PDLIM7: variants seen among roughly 807,000 people sequenced by gnomAD.
PDLIM7 encodes PDZ and LIM domain protein 7.
PDLIM7 carries 37 observed loss-of-function variants against 53.9 expected under a neutral mutation model. The ratio of observed to expected loss-of-function variants is 0.69; its 90% CI spans 0.53 to 0.90. PDLIM7 has a LOEUF of 0.90. Ranked by LOEUF, PDLIM7 falls within the 40% of genes least tolerant of loss-of-function variation. The pLI, the probability that PDLIM7 is intolerant of heterozygous loss-of-function variation, is 0.00. For synonymous variants in PDLIM7, 300 were observed against 261.3 expected, an observed-to-expected ratio of 1.15 and a Z score of -1.43; for missense variants, 617 against 638.5, an observed-to-expected ratio of 0.97 and a Z score of 0.36.
In PDLIM7 at chr5:177,488,248, C is replaced by G; in HGVS notation, c.870G>C (p.Arg290=). Residue 290 remains arginine (R), a splice_region_variant and synonymous_variant, in exon 10 of 13, where the codon CGG becomes CGC. Transcript: ENST00000355841. ...PVCHQCHKVI[R]GRYLVALGHA... ...GGCCCAGCGCCACCAGGTAGCGGCC[C>G]CTGCAGGGAGGCGAGAGCGGTCAGA... The G allele has an allele frequency of 6.3e-7, 1 of 1,597,942 alleles. No individual in the cohort carries two copies. Among genetic ancestry groups the G allele is most frequent in the South Asian group, 1.1e-5 (1 of 89,898 alleles).
intron 2 of PDLIM7, chr5:177,493,113 C>G (rs1758889941): frequency 5.5e-6 from 1 of 182,958 alleles, no homozygotes; most frequent in Non-Finnish European, 1.2e-5. Context: ...ACCAGATATG[C>G]CCTCTGGCCC....
Position 177,489,454 on chromosome 5 carries a change from G to A in PDLIM7, c.808C>T (p.Pro270Ser). ...SIVQAAAGGV[P>S]GGGSNNGKTP... ...TTGCCGTTGTTGCTGCCCCCTCCTGGCACCCCTCCGGCAGCTGCCTGCACA... is the reference window on the plus strand; with the variant it reads ...TTGCCGTTGTTGCTGCCCCCTCCTGACACCCCTCCGGCAGCTGCCTGCACA... The change falls in exon 9 of 13, where the codon CCA becomes TCA. Residue 270 changes from proline to serine, a missense_variant. Physicochemically the swap from Pro to Ser is moderately conservative, Grantham distance 74 (BLOSUM62 -1). Coordinates refer to ENST00000355841, the MANE Select transcript of PDLIM7 (RefSeq NM_005451.5). 1 of 1,604,240 alleles carries A rather than the reference G, an allele frequency of 6.2e-7. No individual in the cohort carries two copies. The highest frequency in any genetic ancestry group is 8.5e-7 in the Non-Finnish European group (1 of 1,176,232).
In PDLIM7 at chr5:177,483,530, C is replaced by A; in HGVS notation, c.*114G>T. The A allele has an allele frequency of 1.4e-6, 1 of 732,336 alleles. No homozygotes were observed. Among genetic ancestry groups the A allele is most frequent in the Non-Finnish European group, 2.3e-6 (1 of 441,316 alleles). 45.4% of individuals were successfully genotyped at this position (732,336 alleles called of 1,614,324 possible). On this transcript the variant is annotated 3_prime_UTR_variant, in exon 13 of 13. Transcript: ENST00000355841. Reference sequence around the variant, plus strand: ...GGCAGGGCCCAGGGAGCCCCAGGCTCGGGCCAGGAGCCAGGGTTAAGGCAA... The same window carrying A: ...GGCAGGGCCCAGGGAGCCCCAGGCTAGGGCCAGGAGCCAGGGTTAAGGCAA...
chr5:177,493,561 G>A (rs183039730), intron 2 of PDLIM7, among the ~76,000 whole-genome samples: 10 of 152,356 alleles, frequency 6.6e-5, no homozygotes, highest in Admixed American at 6.5e-4. Flanking sequence ...GGCTTTGAAT[G>A]CCAGGGGAAG....
chr5:177,483,659 G>A lies in PDLIM7; in HGVS notation c.1359C>T (p.Ala453=), dbSNP rs2127409094. 1 of 1,610,780 alleles carries A rather than the reference G, an allele frequency of 6.2e-7. No individual in the cohort carries two copies. Among genetic ancestry groups the A allele is most frequent in the African/African-American group, 1.3e-5 (1 of 74,994 alleles). ...KKDRPLCKSH[A]FSHV ...CAGAAGGGGCTCACACATGAGAGAA[G>A]GCATGGCTCTTGCAGAGAGGCCTGT... The change falls in exon 13 of 13, where the codon GCC becomes GCT. Residue 453 remains alanine, a synonymous_variant. Coordinates refer to ENST00000355841, the MANE Select transcript of PDLIM7 (RefSeq NM_005451.5).
chr5:177,491,268 C>G (rs1178769135), intron 5 of PDLIM7, 122 bp from the exon 6 acceptor site: 46 of 1,434,326 alleles, frequency 3.2e-5, no homozygotes, highest in Non-Finnish European at 4.1e-5. Flanking sequence ...AAGGGTGAGG[C>G]CAGGAGCCCT....
intron 10 of PDLIM7, among the ~76,000 whole-genome samples, chr5:177,486,264 T>C (rs545078970): frequency 6.5e-4 from 99 of 152,246 alleles, no homozygotes; most frequent in African/African-American, 2.3e-3. Flanking sequence ...GATTTTAAAA[T>C]GAAACAGTGT....
Position 177,489,790 on chromosome 5 carries a change from T to C in PDLIM7, c.615A>G (p.Thr205=), listed in dbSNP as rs1327193810. 6.3e-7 allele frequency: 1 copy of C among 1,577,528 alleles called. No homozygotes were observed. Among genetic ancestry groups the C allele is most frequent in the Middle Eastern group, 1.7e-4 (1 of 5,990 alleles). The change falls in exon 8 of 13, where the codon ACA becomes ACG. Residue 205 remains threonine (T), a synonymous_variant. Coordinates refer to ENST00000355841, the MANE Select transcript of PDLIM7 (RefSeq NM_005451.5). ...RTEAPAPASS[T]PQEPWPGPTA... ...TCTCACCAGGCCAGGGCTCCTGGGG[T>C]GTAGATGAGGCTGGGGCTGGGGCTT...
intron 1 of PDLIM7, among the ~76,000 whole-genome samples, chr5:177,497,276 G>T (rs1361690367): frequency 6.6e-6 from 1 of 152,012 alleles, no homozygotes; most frequent in African/African-American, 2.4e-5. Flanking sequence ...ACGTGACTCA[G>T]TTTCCCCTTA....
At chr5:177,485,625 C>T (rs929324236) in intron 10 of PDLIM7, among the ~76,000 whole-genome samples, 3 of 152,226 alleles carry the variant, frequency 2.0e-5, no homozygotes, top group African/African-American at 7.2e-5. Flanking sequence ...AGGACCTCTT[C>T]TTCTGGGAGC....
In PDLIM7 at chr5:177,491,468, GAC is replaced by G. The variant is rs1758779449; in HGVS notation, c.399-324_399-323del. 9 of 1,433,590 alleles carry G rather than the reference GAC, an allele frequency of 6.3e-6. No individual in the cohort carries two copies. The Admixed American group carries it at 1.2e-4, about 19-fold the overall frequency. The allele number at this position is 1,433,590 out of a possible 1,614,324, so 88.8% of individuals were successfully genotyped here. A position where few individuals can be genotyped will look rare whatever the true frequency, so the allele number is the denominator to read the frequency against. On this transcript the variant is annotated intron_variant, in intron 5 of 12. Coordinates refer to ENST00000355841, the MANE Select transcript of PDLIM7 (RefSeq NM_005451.5). The stretch of plus-strand genomic sequence containing the variant: ...AGACAGATAAAGGGACAAAGGGACA[GAC>G]ACAGGAGAGGAAGAAAGACGGGGAG...
chr5:177,484,187 TCTC>T lies in PDLIM7; in HGVS notation c.1051_1053del (p.Glu351del). Reference sequence around the variant, plus strand: ...CAGGTCATCTTCAGGGCGTGCATGATCTCCTGGAAGGAGGTCCCAGTCACTCGG... The same window carrying T: ...CAGGTCATCTTCAGGGCGTGCATGATCTGGAAGGAGGTCCCAGTCACTCGG... On this transcript the variant is annotated inframe_deletion and splice_region_variant, in exon 11 of 13. Coordinates refer to ENST00000355841, the MANE Select transcript of PDLIM7 (RefSeq NM_005451.5). 1 of 1,613,196 alleles carries T rather than the reference TCTC, an allele frequency of 6.2e-7. No homozygotes were observed. The highest frequency in any genetic ancestry group is 8.5e-7 in the Non-Finnish European group (1 of 1,179,932).
chr5:177,497,125 T>TGAAGAAGGG (rs1759130645), intron 1 of PDLIM7, among the ~76,000 whole-genome samples: 1 of 150,114 alleles, frequency 6.7e-6, no homozygotes, highest in Non-Finnish European at 1.5e-5. Context: ...CCCTGGGTGC[T>TGAAGAAGGG]GAAGAAGGGG....
intron 9 of PDLIM7, among the ~76,000 whole-genome samples, chr5:177,488,862 C>T (rs960276613): frequency 1.3e-5 from 2 of 149,962 alleles, no homozygotes; most frequent in East Asian, 2.0e-4. Flanking sequence ...TGCACGCCAA[C>T]GTGGGCAACA....
At position 177,490,915 on chromosome 5, in the gene PDLIM7, G is replaced by A. The variant is rs373611504; in HGVS notation, c.536-9C>T. On this transcript the variant is annotated splice_polypyrimidine_tract_variant and intron_variant, in intron 6 of 12. Coordinates refer to ENST00000355841, the MANE Select transcript of PDLIM7 (RefSeq NM_005451.5). Reference sequence around the variant, plus strand: ...CTCATCCGGGTCTTGCACTGAGAGGGCAGAGGCAGGCATTGACCAAAAAAG... The same window carrying A: ...CTCATCCGGGTCTTGCACTGAGAGGACAGAGGCAGGCATTGACCAAAAAAG... The A allele has an allele frequency of 1.2e-6, 2 of 1,614,116 alleles. No individual in the cohort carries two copies. Among genetic ancestry groups the A allele is most frequent in the South Asian group, 1.1e-5 (1 of 91,080 alleles).
At chr5:177,490,656 A>T in intron 7 of PDLIM7, 1 of 781,108 alleles carries the variant, frequency 1.3e-6, no homozygotes, top group Non-Finnish European at 2.0e-6. Flanking sequence ...GGAGGCAGGG[A>T]GGGAGGAGGG....
chr5:177,484,957 C>T (rs1016667981), intron 10 of PDLIM7: 4 of 152,798 alleles, frequency 2.6e-5, no homozygotes, highest in Non-Finnish European at 5.8e-5. Context: ...TCTCTAGGCT[C>T]ACCCCTCACC....
In PDLIM7 at chr5:177,484,371, C is replaced by T. The variant is rs564413499; in HGVS notation, c.1051-181G>A. On this transcript the variant is annotated intron_variant, in intron 10 of 12. Transcript: ENST00000355841. The stretch of plus-strand genomic sequence containing the variant: ...AAGGTCTCTGAGTGGACGACCACTG[C>T]GCCTTCAGACTTGCCATGTCCAGCA... 1.3e-4 allele frequency: 83 copies of T among 663,312 alleles called. No individual in the cohort carries two copies. The Middle Eastern group carries it at 2.1e-3, about 17-fold the overall frequency. The allele number at this position is 663,312 out of a possible 1,614,324, so 41.1% of individuals were successfully genotyped here.
chr5:177,490,993 C>T lies in PDLIM7; in HGVS notation c.535+17G>A. ...TGGGGGCGAGGAAAGTACCCCCTGC[C>T]CTGGGCTGGCACTTACTGAACTCGG... On this transcript the variant is annotated intron_variant, in intron 6 of 12. Transcript: ENST00000355841. 1.9e-6 allele frequency: 3 copies of T among 1,613,738 alleles called. No individual in the cohort carries two copies. In the South Asian group the frequency reaches 3.3e-5, roughly 18 times the overall value.
Sources: gnomAD v4.1 joint callset for allele counts (sites outside exome capture counted in the v4.1 genomes callset) on GRCh38, gnomAD v4.1.1 for gene constraint, MANE v1.5 for transcripts, NCBI Gene and HGNC (gene_info 2026-07-23, HGNC 2026-07-21) for gene names.